EYS: variants seen among roughly 807,000 people sequenced by gnomAD.
The protein encoded by EYS is EGF-like photoreceptor maintenance factor, also known as protein eyes shut homolog.
EYS carries 250 observed loss-of-function variants against 282.1 expected under a neutral mutation model. That is an observed-to-expected ratio of 0.89 (90% CI 0.80 to 0.98). The LOEUF is 0.98. EYS is among the 50% of genes least tolerant of loss of function. The pLI is 0.00. For synonymous variants in EYS, 1,355 were observed against 1,282.9 expected (o/e 1.06, Z -1.20); for missense variants, 4,016 against 3,709.0 (o/e 1.08, Z -2.15).
At chr6:64,131,703 G>A (rs3003673) in intron 31 of EYS, among the ~76,000 whole-genome samples, 67,793 of 152,022 alleles carry the variant, frequency 0.45, 17,267 homozygotes, top group African/African-American at 0.7. Context: ...AGAAGTAGTC[G>A]CTTACATTCA....
chr6:64,276,787 A>G (rs1768129835), intron 30 of EYS, among the ~76,000 whole-genome samples: 1 of 152,148 alleles, frequency 6.6e-6, no homozygotes, highest in African/African-American at 2.4e-5. Flanking sequence ...CCTCTATGAT[A>G]ATGTAATTTT....
chr6:65,669,572 G>A (rs1768315575), intron 1 of EYS, among the ~76,000 whole-genome samples: 1 of 151,910 alleles, frequency 6.6e-6, no homozygotes, highest in Admixed American at 6.6e-5. Context: ...TCTTCTTTCT[G>A]TCAGCTTCTC....
chr6:64,889,921 G>GTGGAAC (rs1767225205), intron 18 of EYS, among the ~76,000 whole-genome samples: 1 of 152,058 alleles, frequency 6.6e-6, no homozygotes, highest in African/African-American at 2.4e-5. Flanking sequence ...GGTGAGCTGG[G>GTGGAAC]TGGAACGGAG....
intron 2 of EYS, among the ~76,000 whole-genome samples, chr6:65,619,055 T>C (rs1275091440): frequency 6.6e-6 from 1 of 152,052 alleles, no homozygotes; most frequent in Non-Finnish European, 1.5e-5. Context: ...TGGTTCCATA[T>C]GAACTTTAAA....
At chr6:64,456,529 T>C (rs781322529) in intron 26 of EYS, among the ~76,000 whole-genome samples, 1 of 152,198 alleles carries the variant, frequency 6.6e-6, no homozygotes, top group East Asian at 1.9e-4. Flanking sequence ...ATCAATACCA[T>C]GGCTACAAGA....
At chr6:64,655,684 T>C (rs1213473285) in intron 22 of EYS, among the ~76,000 whole-genome samples, 2 of 151,990 alleles carry the variant, frequency 1.3e-5, no homozygotes, top group Admixed American at 6.6e-5. Flanking sequence ...TTACTGATAA[T>C]TTTTCTATAT....
intron 35 of EYS, among the ~76,000 whole-genome samples, chr6:63,983,566 T>C (rs987090295): frequency 4.6e-5 from 7 of 151,956 alleles, no homozygotes; most frequent in African/African-American, 1.7e-4. Context: ...TTTATTTTTA[T>C]GGAGTAATTA....
chr6:65,535,838 A>G (rs1767945480), intron 2 of EYS, among the ~76,000 whole-genome samples: 1 of 152,094 alleles, frequency 6.6e-6, no homozygotes, highest in African/African-American at 2.4e-5. Context: ...TCACAGAAAC[A>G]CCCAGAATAA....
chr6:64,749,596 C>T lies in EYS; in HGVS notation c.3443+63782G>A, dbSNP rs144686081. ...TGCTTCTACAGGTTGAATAATTCAA[C>T]GACTATTCTAAAAAAAAACATTTTA... is the stretch of plus-strand genomic sequence containing the variant. On this transcript the variant is annotated intron_variant, in intron 22 of 42. Coordinates refer to ENST00000503581, the MANE Select transcript of EYS (RefSeq NM_001142800.2). 1.1e-3 allele frequency among the ~76,000 whole-genome samples: 163 copies of T among 152,068 alleles called. 1 individual carries two copies. Among genetic ancestry groups the T allele is most frequent in the Middle Eastern group, 3.4e-3 (1 of 294 alleles).
At chr6:64,422,583 T>G (rs763243187) in intron 28 of EYS, among the ~76,000 whole-genome samples, 4 of 152,216 alleles carry the variant, frequency 2.6e-5, no homozygotes, top group Non-Finnish European at 5.9e-5. Flanking sequence ...AGTATAAAAA[T>G]ATTTTCTTAG....
At chr6:64,334,317 A>G (rs1196215074) in intron 29 of EYS, among the ~76,000 whole-genome samples, 1 of 152,154 alleles carries the variant, frequency 6.6e-6, no homozygotes, top group Non-Finnish European at 1.5e-5. Flanking sequence ...AAATAAGGCC[A>G]TCCTTTTTCC....
chr6:65,126,172 T>C (rs1012560318), intron 12 of EYS, among the ~76,000 whole-genome samples: 7 of 152,146 alleles, frequency 4.6e-5, no homozygotes, highest in Admixed American at 3.9e-4. Flanking sequence ...ATTTCTTGGA[T>C]AAACTTATTA....
intron 31 of EYS, among the ~76,000 whole-genome samples, chr6:64,203,243 G>A (rs1334636923): frequency 6.6e-6 from 1 of 152,172 alleles, no homozygotes; most frequent in Non-Finnish European, 1.5e-5. Context: ...AGTAGCCAAT[G>A]GACTCAGTGT....
intron 1 of EYS, among the ~76,000 whole-genome samples, chr6:65,680,086 T>TCA (rs10650454): frequency 0.38 from 56,313 of 147,226 alleles, 12,652 homozygotes; most frequent in Non-Finnish European, 0.51. Flanking sequence ...TCCTAAATTT[T>TCA]CACACACACA....
Position 64,984,571 on chromosome 6 carries a change from C to T in EYS, c.2259+13011G>A, listed in dbSNP as rs540294001. 2.1e-4 allele frequency among the ~76,000 whole-genome samples: 32 copies of T among 151,334 alleles called. No individual in the cohort carries two copies. The East Asian group carries it at 3.7e-3, about 17-fold the overall frequency. On this transcript the variant is annotated intron_variant, in intron 14 of 42. Coordinates refer to ENST00000503581, the MANE Select transcript of EYS (RefSeq NM_001142800.2). ...AGTTCAATGCTCTGTAATCAATTTT[C>T]GTGTACAAGAAAAACAAGGCAGTGG...
At chr6:65,380,251 T>C (rs1011993162) in intron 8 of EYS, among the ~76,000 whole-genome samples, 1 of 152,124 alleles carries the variant, frequency 6.6e-6, no homozygotes, top group South Asian at 2.1e-4. Flanking sequence ...CAAAACAGCA[T>C]GGTACTGGCA....
intron 28 of EYS, among the ~76,000 whole-genome samples, chr6:64,391,089 G>C (rs1205896399): frequency 2.0e-5 from 3 of 152,252 alleles, no homozygotes; most frequent in South Asian, 4.1e-4. Flanking sequence ...AGAATAAAAA[G>C]AAAGGAGCAA....
At chr6:64,817,593 C>A (rs1255247946) in intron 21 of EYS, among the ~76,000 whole-genome samples, 1 of 151,964 alleles carries the variant, frequency 6.6e-6, no homozygotes, top group Non-Finnish European at 1.5e-5. Context: ...TTTTTTCGAA[C>A]CATTCTCCTC....
At chr6:65,017,554 G>T (rs556793846) in intron 13 of EYS, among the ~76,000 whole-genome samples, 1 of 152,092 alleles carries the variant, frequency 6.6e-6, no homozygotes, top group Non-Finnish European at 1.5e-5. Flanking sequence ...AAGCAGCCCC[G>T]CCAGTATCAG....
Sources: allele counts gnomAD v4.1 joint callset (sites outside exome capture counted in the v4.1 genomes callset), GRCh38; gene constraint gnomAD v4.1.1; transcripts MANE v1.5; gene names NCBI Gene and HGNC (gene_info 2026-07-23, HGNC 2026-07-21).